The following RUFY2 variants were observed in gnomAD, a reference collection of about 807,000 sequenced individuals.
The protein encoded by RUFY2 is RUN and FYVE domain-containing protein 2.
Under a neutral mutation model 94.4 loss-of-function variants are expected in RUFY2, and 49 were observed. The observed-to-expected ratio is 0.52, with a 90% confidence interval of 0.41 to 0.66. RUFY2 has a LOEUF of 0.66. RUFY2 is among the 30% of genes least tolerant of loss of function. The pLI is 0.00. For synonymous variants in RUFY2, 255 were observed against 235.7 expected, an observed-to-expected ratio of 1.08 and a Z score of -0.75; for missense variants, 541 against 692.8, an observed-to-expected ratio of 0.78 and a Z score of 2.46.
chr10:68,345,530 T>C lies in RUFY2; in HGVS notation c.*238A>G. 2.1e-6 allele frequency: 1 copy of C among 474,248 alleles called. No homozygotes were observed. Among genetic ancestry groups the C allele is most frequent in the Non-Finnish European group, 3.7e-6 (1 of 271,026 alleles). 29.4% of individuals were successfully genotyped at this position (474,248 alleles called of 1,614,324 possible). A position where few individuals can be genotyped will look rare whatever the true frequency, so the allele number is the denominator to read the frequency against. ...AAGGCAAGTTGTGTTAGCTCTGCTC[T>C]CTGGCCTTTTAATGAGTTACATGAT... On this transcript the variant is annotated 3_prime_UTR_variant, in exon 18 of 18. Transcript: ENST00000602465.
chr10:68,404,984 C>A, intron 1 of RUFY2, 140 bp from the exon 2 acceptor site: 2 of 666,372 alleles, frequency 3.0e-6, no homozygotes, highest in African/African-American at 1.9e-5. Context: ...AAACCACACC[C>A]TTGATTAACT....
At chr10:68,406,730 C>G (rs1187565090) in intron 1 of RUFY2, 1 of 1,595,528 alleles carries the variant, frequency 6.3e-7, no homozygotes, top group African/African-American at 1.3e-5. Context: ...TGGGGGCCCC[C>G]CAGGACCATC....
intron 7 of RUFY2, among the ~76,000 whole-genome samples, chr10:68,392,204 G>A (rs12781932): frequency 6.6e-6 from 1 of 151,108 alleles, no homozygotes; most frequent in Non-Finnish European, 1.5e-5. Context: ...GCTAATTTTT[G>A]TTTTTTTTAG....
chr10:68,385,076 A>T (rs1365889196), intron 8 of RUFY2, among the ~76,000 whole-genome samples: 1 of 152,188 alleles, frequency 6.6e-6, no homozygotes, highest in Non-Finnish European at 1.5e-5. Context: ...AGCCTGACCA[A>T]CACGGTGAAA....
chr10:68,374,611 C>T (rs1214813084), intron 13 of RUFY2, among the ~76,000 whole-genome samples: 1 of 152,106 alleles, frequency 6.6e-6, no homozygotes, highest in Non-Finnish European at 1.5e-5. Context: ...TTAAAAACTA[C>T]TAGACAGAAA....
intron 7 of RUFY2, among the ~76,000 whole-genome samples, chr10:68,391,993 C>A (rs964084804): frequency 8.6e-5 from 13 of 151,076 alleles, no homozygotes; most frequent in Admixed American, 2.6e-4. Flanking sequence ...AACAAACAAA[C>A]AAAAAAACTA....
chr10:68,379,945 A>T (rs10998101), intron 11 of RUFY2, among the ~76,000 whole-genome samples: 2 of 151,484 alleles, frequency 1.3e-5, no homozygotes, highest in South Asian at 4.2e-4. Flanking sequence ...GTAGCTGGGA[A>T]TACAGGTGCC....
At chr10:68,379,586 T>C (rs2048892757) in intron 11 of RUFY2, 65 bp from the exon 12 acceptor site, 5 of 1,189,476 alleles carry the variant, frequency 4.2e-6, no homozygotes, top group East Asian at 2.4e-5. Flanking sequence ...TGTGTGTGTG[T>C]GTGCGTGTTT....
intron 1 of RUFY2, 76 bp downstream of exon 1, chr10:68,407,110 C>A: frequency 6.6e-7 from 1 of 1,515,938 alleles, no homozygotes; most frequent in South Asian, 1.2e-5. Context: ...CCCCAGCTCC[C>A]AGTCCACCCC....
At chr10:68,392,765 CAAA>C (rs34336651) in intron 7 of RUFY2, among the ~76,000 whole-genome samples, 12 of 113,194 alleles carry the variant, frequency 1.1e-4, no homozygotes, top group Admixed American at 9.1e-5. Context: ...TACTAAAATA[CAAA>C]AAAAAAAAAA....
chr10:68,349,774 G>A (rs1269606564), intron 16 of RUFY2, among the ~76,000 whole-genome samples: 1 of 151,902 alleles, frequency 6.6e-6, no homozygotes, highest in African/African-American at 2.4e-5. Flanking sequence ...TCCTGACCTC[G>A]TGATCTGCCC....
intron 13 of RUFY2, among the ~76,000 whole-genome samples, chr10:68,364,836 G>A (rs1029897054): frequency 2.6e-5 from 4 of 151,044 alleles, no homozygotes; most frequent in Admixed American, 2.0e-4. Context: ...TGAGACTATA[G>A]GCCTGCCACC....
intron 2 of RUFY2, 88 bp downstream of exon 2, chr10:68,404,583 A>G (rs530133118): frequency 1.1e-6 from 1 of 908,484 alleles, no homozygotes. Flanking sequence ...CAGTAACGTA[A>G]TTATGGCCTC....
chr10:68,373,063 A>C (rs2132632833), intron 13 of RUFY2, among the ~76,000 whole-genome samples: 1 of 152,348 alleles, frequency 6.6e-6, no homozygotes, highest in Middle Eastern at 3.4e-3. Context: ...GTCTAACATG[A>C]TTCTCAATAT....
Position 68,364,189 on chromosome 10 carries a change from C to T in RUFY2, c.1326-76G>A, listed in dbSNP as rs368420731. On this transcript the variant is annotated intron_variant, in intron 13 of 17. Coordinates refer to ENST00000602465, the MANE Select transcript of RUFY2 (RefSeq NM_001330103.2). ...GTTGTTATGTATTCTTTACTAAAAT[C>T]ACCCTTTTGGTTTATTACTTTGGCC... The T allele has an allele frequency of 3.4e-4, 476 of 1,396,100 alleles. 3 individuals are homozygous for T. In the South Asian group the frequency reaches 6.6e-3, roughly 19 times the overall value. 86.5% of individuals were successfully genotyped at this position (1,396,100 alleles called of 1,614,324 possible). A position where few individuals can be genotyped will look rare whatever the true frequency, so the allele number is the denominator to read the frequency against.
At chr10:68,406,885 G>A (rs1427700790) in intron 1 of RUFY2, 2 of 1,594,596 alleles carry the variant, frequency 1.3e-6, no homozygotes, top group Non-Finnish European at 8.5e-7. Context: ...CCTGCTCCCC[G>A]ACCCGGGAGT....
At chr10:68,393,029 C>T in intron 7 of RUFY2, 109 bp downstream of exon 7, 1 of 467,114 alleles carries the variant, frequency 2.1e-6, no homozygotes, top group East Asian at 3.5e-5. Flanking sequence ...TCTATCCCCT[C>T]AACCCCTTCT....
At chr10:68,346,144 T>A in intron 16 of RUFY2, 60 bp from the exon 17 acceptor site, 1 of 1,293,362 alleles carries the variant, frequency 7.7e-7, no homozygotes, top group African/African-American at 1.5e-5. Context: ...ATGTGAAAAC[T>A]TTTTCCCCCA....
Position 68,345,749 on chromosome 10 carries a change from A to C in RUFY2, c.*19T>G, listed in dbSNP as rs1214377957. The C allele has an allele frequency of 1.3e-6, 2 of 1,598,968 alleles. No homozygotes were observed. Among genetic ancestry groups the C allele is most frequent in the Non-Finnish European group, 1.7e-6 (2 of 1,170,318 alleles). On this transcript the variant is annotated 3_prime_UTR_variant, in exon 18 of 18. Transcript: ENST00000602465. ...TTCATTGTAGGTAATTTCATACATAAGGATTTAGTTCTGGAGTCTCAGGGC... is the reference window on the plus strand; with the variant it reads ...TTCATTGTAGGTAATTTCATACATACGGATTTAGTTCTGGAGTCTCAGGGC...
Sources: gnomAD v4.1 joint callset for allele counts (sites outside exome capture counted in the v4.1 genomes callset) on GRCh38, gnomAD v4.1.1 for gene constraint, MANE v1.5 for transcripts, NCBI Gene and HGNC (gene_info 2026-07-23, HGNC 2026-07-21) for gene names.